The following DNER variants were observed in gnomAD, a reference collection of about 807,000 sequenced individuals.
The protein encoded by DNER is delta/notch like EGF repeat containing, also known as delta and Notch-like epidermal growth factor-related receptor.
In DNER, 33 loss-of-function variants were observed where a neutral mutation model predicts 78.2. That is an observed-to-expected ratio of 0.42 (90% CI 0.32 to 0.56). The LOEUF is 0.56. Among genes scored for constraint, DNER ranks in the 20% least tolerant of loss-of-function variants. The pLI is 0.11. For missense variants in DNER, 918 were observed against 975.3 expected (o/e 0.94, Z 0.78); for synonymous variants, 417 against 384.8 (o/e 1.08, Z -0.98).
rs1559176075 is a variant in DNER, at chr2:229,591,811, G to T, written c.354C>A (p.Gly118=). ...AGCCTTCATTGCAAATGCAGAGGTA[G>T]CCATCGCTGCTGCTGCTGCTGCTGC... is the stretch of plus-strand genomic sequence containing the variant. ...CSSSSSSSSD[G]YLCICNEGYE... is the part of the protein sequence containing the mutation. The change falls in exon 2 of 13, where the codon GGC becomes GGA. Residue 118 remains glycine (G), a synonymous_variant. Transcript: ENST00000341772. This position sits in a 1 kb window ranked among gnomAD's most constrained non-coding sequence, Gnocchi z 4.6. 1 of 1,613,576 alleles carries T rather than the reference G, an allele frequency of 6.2e-7. No individual in the cohort carries two copies.
intron 1 of DNER, among the ~76,000 whole-genome samples, chr2:229,687,692 A>G (rs568330274): frequency 1.2e-4 from 19 of 152,150 alleles, no homozygotes; most frequent in African/African-American, 2.2e-4. Context: ...CATACCCCCA[A>G]TTGATAGAGG....
chr2:229,563,639 TCAA>T (rs1328429427), intron 4 of DNER, among the ~76,000 whole-genome samples: 10 of 144,420 alleles, frequency 6.9e-5, no homozygotes, highest in African/African-American at 2.1e-4. Context: ...ACCAACATCA[TCAA>T]CATCATCATC....
intron 4 of DNER, among the ~76,000 whole-genome samples, chr2:229,553,193 G>C (rs1288535249): frequency 6.6e-6 from 1 of 152,174 alleles, no homozygotes; most frequent in Non-Finnish European, 1.5e-5. Context: ...ATGATTCCTG[G>C]AGATCCCTTT....
At chr2:229,392,266 G>GAAA (rs1559339283) in intron 10 of DNER, among the ~76,000 whole-genome samples, 1 of 126,404 alleles carries the variant, frequency 7.9e-6, no homozygotes. Flanking sequence ...ACAACTAGAT[G>GAAA]AAATATATGA....
At chr2:229,550,834 G>T (rs996102260) in intron 4 of DNER, among the ~76,000 whole-genome samples, 1 of 152,142 alleles carries the variant, frequency 6.6e-6, no homozygotes, top group African/African-American at 2.4e-5. Context: ...TAATTAACTG[G>T]ATAGAAACAG....
chr2:229,585,824 A>T (rs756458002), intron 4 of DNER, 34 bp downstream of exon 4: 3 of 1,612,182 alleles, frequency 1.9e-6, no homozygotes, highest in Admixed American at 1.7e-5. Context: ...GTTGAATCAG[A>T]TGCAGTGTTG....
At chr2:229,503,848 C>T (rs2154212032) in intron 6 of DNER, among the ~76,000 whole-genome samples, 2 of 151,462 alleles carry the variant, frequency 1.3e-5, no homozygotes, top group African/African-American at 4.8e-5. Context: ...TTCAAGTGAT[C>T]CTCCCACTTC....
intron 7 of DNER, among the ~76,000 whole-genome samples, chr2:229,457,755 T>C (rs1694607523): frequency 6.8e-6 from 1 of 147,358 alleles, no homozygotes. Context: ...TTAAAAGGCG[T>C]AGATTGTCAG....
intron 11 of DNER, among the ~76,000 whole-genome samples, chr2:229,377,889 C>T (rs923833782): frequency 6.6e-6 from 1 of 152,120 alleles, no homozygotes; most frequent in Non-Finnish European, 1.5e-5. Context: ...CCTATCAATA[C>T]ATTATATGGC....
intron 7 of DNER, among the ~76,000 whole-genome samples, chr2:229,469,134 G>A (rs565477094): frequency 2.6e-5 from 4 of 152,274 alleles, no homozygotes; most frequent in East Asian, 1.9e-4. Flanking sequence ...CAAATGTCTC[G>A]TATGTTTCTA....
chr2:229,589,729 A>G (rs1697566506), intron 2 of DNER, among the ~76,000 whole-genome samples: 1 of 152,188 alleles, frequency 6.6e-6, no homozygotes, highest in Non-Finnish European at 1.5e-5. Context: ...CTTCTTTGAT[A>G]AACTTGAATC....
intron 1 of DNER, among the ~76,000 whole-genome samples, chr2:229,602,110 C>T (rs1697837149): frequency 6.6e-6 from 1 of 151,976 alleles, no homozygotes; most frequent in Admixed American, 6.6e-5. Flanking sequence ...GACACTCATA[C>T]ATCCTATCAA....
At chr2:229,614,262 GA>G (rs1343189416) in intron 1 of DNER, among the ~76,000 whole-genome samples, 1 of 151,850 alleles carries the variant, frequency 6.6e-6, no homozygotes, top group Non-Finnish European at 1.5e-5. Flanking sequence ...CTAATTGAAG[GA>G]CATCATGGCA....
At chr2:229,375,785 C>A (rs1692584028) in intron 11 of DNER, among the ~76,000 whole-genome samples, 2 of 152,066 alleles carry the variant, frequency 1.3e-5, no homozygotes, top group South Asian at 4.2e-4. Flanking sequence ...TATGTGACTC[C>A]CAAGCTTAAA....
At chr2:229,415,271 G>A (rs191635880) in intron 9 of DNER, among the ~76,000 whole-genome samples, 7 of 152,252 alleles carry the variant, frequency 4.6e-5, no homozygotes, top group Admixed American at 2.0e-4. Flanking sequence ...CTACAGCCAC[G>A]AGGATATAAG....
intron 1 of DNER, among the ~76,000 whole-genome samples, chr2:229,598,639 G>A (rs1320767204): frequency 1.3e-5 from 2 of 152,180 alleles, no homozygotes; most frequent in African/African-American, 2.4e-5. Flanking sequence ...ATGAGCAGGT[G>A]TTGGGACCAG....
At chr2:229,636,894 C>T (rs1291417976) in intron 1 of DNER, among the ~76,000 whole-genome samples, 1 of 152,128 alleles carries the variant, frequency 6.6e-6, no homozygotes, top group Non-Finnish European at 1.5e-5. Context: ...GAATGAAACC[C>T]CTGTGTGATC....
At chr2:229,652,636 C>G (rs1187729127) in intron 1 of DNER, among the ~76,000 whole-genome samples, 1 of 152,176 alleles carries the variant, frequency 6.6e-6, no homozygotes, top group East Asian at 1.9e-4. Flanking sequence ...ACCCTAGAGA[C>G]AGAAGAAAGT....
intron 5 of DNER, among the ~76,000 whole-genome samples, chr2:229,522,041 G>A (rs1046639936): frequency 1.3e-5 from 2 of 151,840 alleles, no homozygotes; most frequent in Non-Finnish European, 2.9e-5. Flanking sequence ...AAAGACAAGC[G>A]TAGAAACATG....
Sources: allele counts gnomAD v4.1 joint callset (sites outside exome capture counted in the v4.1 genomes callset), GRCh38; gene constraint gnomAD v4.1.1; non-coding constraint Gnocchi (gnomAD v3.1); transcripts MANE v1.5; gene names NCBI Gene and HGNC (gene_info 2026-07-23, HGNC 2026-07-21).